CHN2: variants seen among roughly 807,000 people sequenced by gnomAD.
The protein encoded by CHN2 is beta-chimaerin.
A neutral mutation model predicts 56.3 loss-of-function variants in CHN2; 35 were observed. The ratio of observed to expected loss-of-function variants is 0.62; its 90% confidence interval spans 0.47 to 0.82. The LOEUF is 0.82. Ranked by LOEUF, CHN2 falls within the 40% of genes least tolerant of loss-of-function variation. The pLI is 0.00. For missense variants in CHN2, 491 were observed against 580.5 expected (o/e 0.85, Z 1.58); for synonymous variants, 210 against 212.8 (o/e 0.99, Z 0.12).
In CHN2 at chr7:29,146,699, G is replaced by T. The variant is rs1407808430; in HGVS notation, c.116G>T (p.Gly39Val). ...GCTGGAAGAAGCAAGCAGCCCCAGG[G>T]TGGAATCTTAAAAATTAATGAAGAG... Residue 39 changes from glycine (G) to valine (V), a missense_variant, in exon 1 of 7, where the codon GGT (glycine) becomes GTT (valine). Coordinates refer to the CHN2 transcript ENST00000439384. The T allele has an allele frequency of 1.7e-5, 26 of 1,550,534 alleles. No homozygotes were observed. In the Admixed American group the frequency reaches 5.1e-4, roughly 30 times the overall value.
At chr7:29,298,463 C>A (rs189793475) in intron 1 of CHN2, among the ~76,000 whole-genome samples, 1 of 152,286 alleles carries the variant, frequency 6.6e-6, no homozygotes, top group African/African-American at 2.4e-5. Context: ...TAGTCCTTCT[C>A]CAACAAGGGA....
At chr7:29,237,092 T>C (rs143221348) in intron 1 of CHN2, among the ~76,000 whole-genome samples, 63 of 152,298 alleles carry the variant, frequency 4.1e-4, no homozygotes, top group Middle Eastern at 3.4e-3. Flanking sequence ...GCTGAAGTGC[T>C]TTCTTTGCTA....
At chr7:29,360,886 T>A (rs1798683762) in intron 2 of CHN2, among the ~76,000 whole-genome samples, 1 of 152,236 alleles carries the variant, frequency 6.6e-6, no homozygotes, top group African/African-American at 2.4e-5. Flanking sequence ...CAAGTTTTCT[T>A]ACTGAAGAAA....
chr7:29,320,971 T>C (rs1795298828), intron 1 of CHN2, among the ~76,000 whole-genome samples: 1 of 152,204 alleles, frequency 6.6e-6, no homozygotes, highest in African/African-American at 2.4e-5. Context: ...GAGCAATTGG[T>C]AAATTTCTCC....
chr7:29,358,429 T>C (rs1798478046), intron 2 of CHN2, among the ~76,000 whole-genome samples: 1 of 151,772 alleles, frequency 6.6e-6, no homozygotes, highest in Non-Finnish European at 1.5e-5. Context: ...TAAAAGAAAA[T>C]TAGTCAATTT....
intron 2 of CHN2, among the ~76,000 whole-genome samples, chr7:29,159,688 T>A (rs1193760533): frequency 3.3e-5 from 5 of 152,114 alleles, no homozygotes; most frequent in Non-Finnish European, 7.4e-5. Context: ...CCCCCCTATT[T>A]AACCTACCTC....
At chr7:29,302,469 A>G (rs919045436) in intron 1 of CHN2, among the ~76,000 whole-genome samples, 9 of 147,848 alleles carry the variant, frequency 6.1e-5, no homozygotes, top group Non-Finnish European at 1.0e-4. Context: ...GAGTACAGGC[A>G]TGTGCCATCA....
chr7:29,176,024 A>G (rs981605146), intron 2 of CHN2, among the ~76,000 whole-genome samples: 23 of 152,084 alleles, frequency 1.5e-4, no homozygotes, highest in African/African-American at 5.3e-4. Flanking sequence ...GTCTCTACTA[A>G]AAATACAAAA....
At chr7:29,259,480 A>G (rs1229543991) in intron 1 of CHN2, among the ~76,000 whole-genome samples, 1 of 152,082 alleles carries the variant, frequency 6.6e-6, no homozygotes, top group Non-Finnish European at 1.5e-5. Flanking sequence ...TTTGTGTAAA[A>G]TAGGGTGTGG....
chr7:29,338,670 C>T (rs1431667557), intron 1 of CHN2, among the ~76,000 whole-genome samples: 1 of 152,162 alleles, frequency 6.6e-6, no homozygotes, highest in African/African-American at 2.4e-5. Context: ...CCTCCATCTC[C>T]CAGGTTCAAG....
At chr7:29,272,053 G>A (rs957240855) in intron 1 of CHN2, among the ~76,000 whole-genome samples, 20 of 152,114 alleles carry the variant, frequency 1.3e-4, no homozygotes, top group Non-Finnish European at 2.2e-4. Flanking sequence ...TCCAAGGTCC[G>A]TGGAACCTGC....
intron 1 of CHN2, among the ~76,000 whole-genome samples, chr7:29,269,733 G>A (rs887481491): frequency 3.3e-5 from 5 of 152,204 alleles, no homozygotes; most frequent in African/African-American, 1.2e-4. Flanking sequence ...ATAAGAGGAG[G>A]AAGGATCATA....
At chr7:29,186,251 G>C (rs1286842001) in intron 2 of CHN2, among the ~76,000 whole-genome samples, 1 of 147,784 alleles carries the variant, frequency 6.8e-6, no homozygotes, top group Admixed American at 6.6e-5. Flanking sequence ...TTATGTTTTA[G>C]GCAAAAAAAA....
At chr7:29,455,299 A>G (rs1463770940) in intron 6 of CHN2, among the ~76,000 whole-genome samples, 1 of 152,202 alleles carries the variant, frequency 6.6e-6, no homozygotes, top group Non-Finnish European at 1.5e-5. Flanking sequence ...ATGCGGGATT[A>G]GTAATCATAA....
intron 8 of CHN2, 123 bp from the exon 9 acceptor site, chr7:29,499,744 A>T: frequency 1.2e-6 from 1 of 802,950 alleles, no homozygotes; most frequent in Non-Finnish European, 1.9e-6. Flanking sequence ...GAAACGGGAT[A>T]GATGTTCCAG....
intron 1 of CHN2, among the ~76,000 whole-genome samples, chr7:29,348,261 C>T (rs1265980959): frequency 6.6e-6 from 1 of 152,134 alleles, no homozygotes; most frequent in East Asian, 1.9e-4. Flanking sequence ...CCCTCAAAGA[C>T]CAGAACAGCA....
chr7:29,227,917 T>A (rs972375583), intron 1 of CHN2, among the ~76,000 whole-genome samples: 1 of 152,130 alleles, frequency 6.6e-6, no homozygotes, highest in Non-Finnish European at 1.5e-5. Flanking sequence ...TTAGCCTGGG[T>A]TTCCCATTAA....
chr7:29,427,206 C>T (rs528059751), intron 6 of CHN2, among the ~76,000 whole-genome samples: 2 of 152,214 alleles, frequency 1.3e-5, no homozygotes, highest in African/African-American at 2.4e-5. Flanking sequence ...ATCCCAGTTA[C>T]GTGGGAGGCT....
At chr7:29,482,959 C>G (rs1190662563) in intron 7 of CHN2, among the ~76,000 whole-genome samples, 1 of 151,172 alleles carries the variant, frequency 6.6e-6, no homozygotes, top group East Asian at 2.0e-4. Flanking sequence ...GTAGCTGGGA[C>G]TACAGGCGCC....
Sources: gnomAD v4.1 joint callset for allele counts (sites outside exome capture counted in the v4.1 genomes callset) on GRCh38, gnomAD v4.1.1 for gene constraint, MANE v1.5 for transcripts, NCBI Gene and HGNC (gene_info 2026-07-23, HGNC 2026-07-21) for gene names.